Variants in RAD51B observed in about 807,000 individuals in gnomAD.
RAD51B encodes DNA repair protein RAD51 homolog 2.
In RAD51B, 38 loss-of-function variants were observed where a neutral mutation model predicts 42.2. The ratio of observed to expected loss-of-function variants is 0.90; its 90% CI spans 0.70 to 1.18. The LOEUF is 1.18. Among genes scored for constraint, RAD51B ranks in the 50% most tolerant of loss-of-function variants. The pLI is 0.00. For missense variants in RAD51B, 373 were observed against 400.7 expected (o/e 0.93, Z 0.59); for synonymous variants, 154 against 145.2 (o/e 1.06, Z -0.43).
chr14:68,220,819 C>G (rs933524965), intron 7 of RAD51B, among the ~76,000 whole-genome samples: 20 of 152,146 alleles, frequency 1.3e-4, no homozygotes, highest in African/African-American at 4.6e-4. Context: ...CAACAGCAGC[C>G]AAGCTGAGAA....
chr14:67,836,487 C>CTT lies in RAD51B; in HGVS notation c.315+1306_315+1307dup, dbSNP rs61525158. On this transcript the variant is annotated intron_variant, in intron 4 of 10. Coordinates refer to ENST00000471583, the MANE Select transcript of RAD51B (RefSeq NM_133510.4). ...CATTTAAGGAAAGGGAAATTAGCCT[C>CTT]TTTTTTTTTTTTTTTTGAGACAGAG... 4.1e-3 allele frequency among the ~76,000 whole-genome samples: 586 copies of CTT among 141,540 alleles called. 4 individuals carry two copies. Among genetic ancestry groups the CTT allele is most frequent in the African/African-American group, 0.011 (424 of 38,590 alleles). The allele number at this position is 141,540 out of a possible 152,430, so 92.9% of individuals were successfully genotyped here. A position where few individuals can be genotyped will look rare whatever the true frequency, so the allele number is the denominator to read the frequency against.
chr14:68,449,526 G>C (rs2085503888), intron 9 of RAD51B, among the ~76,000 whole-genome samples: 1 of 152,070 alleles, frequency 6.6e-6, no homozygotes, highest in Non-Finnish European at 1.5e-5. Flanking sequence ...AACTGCTCCA[G>C]ATCACCAAAT....
intron 7 of RAD51B, among the ~76,000 whole-genome samples, chr14:68,092,639 C>T (rs1449920052): frequency 6.6e-6 from 1 of 152,218 alleles, no homozygotes; most frequent in African/African-American, 2.4e-5. Context: ...ATCATGTCAT[C>T]TGCAAACAGG....
intron 8 of RAD51B, among the ~76,000 whole-genome samples, chr14:68,354,033 T>G (rs573989831): frequency 6.6e-6 from 1 of 152,256 alleles, no homozygotes; most frequent in South Asian, 2.1e-4. Context: ...ACAAAGACAT[T>G]TTAGAACTGT....
chr14:68,533,343 G>A (rs980378581), intron 10 of RAD51B, among the ~76,000 whole-genome samples: 44 of 152,262 alleles, frequency 2.9e-4, no homozygotes, highest in Middle Eastern at 3.4e-3. Flanking sequence ...TTTAAAGATG[G>A]GAGATTCCTG....
intron 7 of RAD51B, among the ~76,000 whole-genome samples, chr14:68,181,182 G>A (rs903598182): frequency 6.6e-6 from 1 of 152,228 alleles, no homozygotes; most frequent in Non-Finnish European, 1.5e-5. Flanking sequence ...AGGTAATCAA[G>A]ATGAAGGTGT....
Position 67,885,946 on chromosome 14 carries a change from T to G in RAD51B, c.530T>G (p.Val177Gly). ...EEKLLLTSSK[V>G]HLYRELTCDE... ...AAGTTACTTTTGACAAGTAGTAAAGTTCATCTTTATCGGGAACTCACCTGT... is the reference window on the plus strand; with the variant it reads ...AAGTTACTTTTGACAAGTAGTAAAGGTCATCTTTATCGGGAACTCACCTGT... Residue 177 changes from valine (V) to glycine (G), a missense_variant, in exon 6 of 11, where the codon GTT (valine) becomes GGT (glycine). By Grantham distance (109) the Val-to-Gly change is moderately radical. Coordinates refer to ENST00000471583, the MANE Select transcript of RAD51B (RefSeq NM_133510.4). 2 of 1,608,084 alleles carry G rather than the reference T, an allele frequency of 1.2e-6. No individual in the cohort carries two copies. The highest frequency in any genetic ancestry group is 1.7e-6 in the Non-Finnish European group (2 of 1,175,700).
intron 10 of RAD51B, among the ~76,000 whole-genome samples, chr14:68,532,234 T>G (rs1290382694): frequency 6.6e-6 from 1 of 151,450 alleles, no homozygotes; most frequent in Non-Finnish European, 1.5e-5. Context: ...CAGAGCAAAA[T>G]AAAACTATCA....
chr14:68,631,320 A>G (rs1447063131), intron 10 of RAD51B, among the ~76,000 whole-genome samples: 1 of 152,228 alleles, frequency 6.6e-6, no homozygotes, highest in Non-Finnish European at 1.5e-5. Context: ...TCAGGAAAAT[A>G]CAGTGATAAT....
chr14:68,163,267 A>G (rs2078681154), intron 7 of RAD51B, among the ~76,000 whole-genome samples: 1 of 152,246 alleles, frequency 6.6e-6, no homozygotes, highest in African/African-American at 2.4e-5. Context: ...TGCCAGTTTT[A>G]TACAAATAAT....
chr14:68,667,320 CCTT>C (rs1029896858), intron 11 of RAD51B, among the ~76,000 whole-genome samples: 1 of 152,216 alleles, frequency 6.6e-6, no homozygotes, highest in Non-Finnish European at 1.5e-5. Flanking sequence ...AGGCAGAATT[CCTT>C]CTTCTTCAGG....
chr14:68,326,038 CT>C (rs763428544), intron 8 of RAD51B, among the ~76,000 whole-genome samples: 39,344 of 79,712 alleles, frequency 0.49, 7,357 homozygotes, highest in African/African-American at 0.65. Context: ...TTTTTCTTTT[CT>C]TTTTTTTTTT....
At chr14:68,413,479 C>T (rs2084471356) in intron 9 of RAD51B, among the ~76,000 whole-genome samples, 1 of 152,136 alleles carries the variant, frequency 6.6e-6, no homozygotes, top group Admixed American at 6.5e-5. Context: ...TGTTTTCAAA[C>T]AATAATTAGA....
intron 7 of RAD51B, among the ~76,000 whole-genome samples, chr14:68,278,349 G>A (rs1009456009): frequency 1.3e-5 from 2 of 152,198 alleles, no homozygotes; most frequent in Non-Finnish European, 2.9e-5. Flanking sequence ...TGATGTTGCT[G>A]CTTGCTGCAA....
intron 4 of RAD51B, among the ~76,000 whole-genome samples, chr14:67,857,605 A>G (rs546859466): frequency 6.6e-6 from 1 of 152,386 alleles, no homozygotes; most frequent in South Asian, 2.1e-4. Context: ...ATCACAAAGC[A>G]TTGAACAGTT....
chr14:67,945,686 G>T (rs1006925199), intron 7 of RAD51B, among the ~76,000 whole-genome samples: 2 of 151,932 alleles, frequency 1.3e-5, no homozygotes, highest in Non-Finnish European at 1.5e-5. Context: ...GGCCAGGCTG[G>T]TTTCGAACTC....
intron 7 of RAD51B, among the ~76,000 whole-genome samples, chr14:68,065,886 G>A (rs751547295): frequency 5.3e-5 from 8 of 151,996 alleles, no homozygotes; most frequent in Non-Finnish European, 1.2e-4. Flanking sequence ...TATACTTCTG[G>A]TTGGGAATAT....
intron 8 of RAD51B, among the ~76,000 whole-genome samples, chr14:68,409,531 A>G (rs1228363915): frequency 6.6e-6 from 1 of 152,212 alleles, no homozygotes; most frequent in Non-Finnish European, 1.5e-5. Flanking sequence ...CAGAAAAAGG[A>G]AAGGAGTAAT....
intron 7 of RAD51B, among the ~76,000 whole-genome samples, chr14:68,122,960 A>AACAC (rs145099242): frequency 9.6e-4 from 144 of 150,134 alleles, no homozygotes; most frequent in Middle Eastern, 3.4e-3. Context: ...GTATAAAACA[A>AACAC]ACACACACAC....
Sources: allele counts gnomAD v4.1 joint callset (sites outside exome capture counted in the v4.1 genomes callset), GRCh38; gene constraint gnomAD v4.1.1; transcripts MANE v1.5; gene names NCBI Gene and HGNC (gene_info 2026-07-23, HGNC 2026-07-21).